Variants in RALY observed in about 807,000 individuals in gnomAD.
RALY encodes RNA-binding protein Raly.
A neutral mutation model predicts 30.7 loss-of-function variants in RALY; 15 were observed. The ratio of observed to expected loss-of-function variants is 0.49; its 90% CI spans 0.33 to 0.75. The LOEUF (loss-of-function observed/expected upper bound fraction) is 0.75, where lower values mean the gene tolerates loss of function less well. Among genes scored for constraint, RALY ranks in the 30% least tolerant of loss-of-function variants. RALY has a pLI of 0.02. For missense variants in RALY, 339 were observed against 414.3 expected (o/e 0.82, Z 1.58); for synonymous variants, 177 against 170.8 (o/e 1.04, Z -0.28).
At chr20:34,076,571 C>G (rs563360814) in intron 6 of RALY, 131 bp from the exon 7 acceptor site, 49 of 763,706 alleles carry the variant, frequency 6.4e-5, no homozygotes, top group Non-Finnish European at 6.0e-5. Context: ...GACCTTTTTC[C>G]TAAGCAGGGA....
At chr20:34,078,455 C>CA (rs2033955494) in intron 8 of RALY, 50 bp from the exon 9 acceptor site, 1 of 1,501,096 alleles carries the variant, frequency 6.7e-7, no homozygotes, top group Non-Finnish European at 8.9e-7. Flanking sequence ...GGGCAGGACT[C>CA]AGAGCTGGCA....
intron 1 of RALY, among the ~76,000 whole-genome samples, chr20:34,013,615 G>T (rs551386923): frequency 6.6e-6 from 1 of 152,156 alleles, no homozygotes; most frequent in African/African-American, 2.4e-5. Context: ...CCTCAGGGAA[G>T]CTTTCCCTGA....
chr20:34,072,412 T>C (rs2033753367), intron 3 of RALY, 82 bp downstream of exon 3: 1 of 1,472,572 alleles, frequency 6.8e-7, no homozygotes, highest in Non-Finnish European at 9.1e-7. Context: ...CCTTCTCTCT[T>C]TCTCTCACCG....
rs1267499461 is a variant in RALY, at chr20:34,082,591, A to G, written c.*2686A>G. Reference sequence around the variant, plus strand: ...ATCAGCTCTACTCACCTTGGCCCATAAGGCTTTGCCTGGTCATGCTGGCAC... The same window carrying G: ...ATCAGCTCTACTCACCTTGGCCCATGAGGCTTTGCCTGGTCATGCTGGCAC... On this transcript the variant is annotated 3_prime_UTR_variant, in exon 10 of 10. Coordinates refer to ENST00000246194, the MANE Select transcript of RALY (RefSeq NM_016732.3). The G allele has an allele frequency of 1.3e-5, 2 of 152,202 alleles. No individual in the cohort carries two copies. Among genetic ancestry groups the G allele is most frequent in the Admixed American group, 6.5e-5 (1 of 15,276 alleles). The allele number at this position is 152,202 out of a possible 1,614,324, so 9.4% of individuals were successfully genotyped here.
At chr20:34,049,812 T>A (rs1011814728) in intron 2 of RALY, among the ~76,000 whole-genome samples, 5 of 152,188 alleles carry the variant, frequency 3.3e-5, no homozygotes, top group African/African-American at 1.2e-4. Context: ...AAAGTTAGGA[T>A]TATAAATCCA....
At chr20:34,075,334 T>C (rs1331339002) in intron 5 of RALY, among the ~76,000 whole-genome samples, 1 of 152,084 alleles carries the variant, frequency 6.6e-6, no homozygotes, top group African/African-American at 2.4e-5. Context: ...TTCTAAAGTG[T>C]GTTTTTAACC....
chr20:33,995,516 A>C (rs966273035), intron 1 of RALY, among the ~76,000 whole-genome samples: 1 of 152,172 alleles, frequency 6.6e-6, no homozygotes, highest in Non-Finnish European at 1.5e-5. Context: ...AACTTTGGCA[A>C]ATGTTCCAGT....
chr20:34,074,348 A>C (rs1479314389), intron 5 of RALY, among the ~76,000 whole-genome samples: 1 of 151,830 alleles, frequency 6.6e-6, no homozygotes, highest in East Asian at 1.9e-4. Context: ...TCTACCCTGC[A>C]CTCCCAAGCC....
chr20:34,016,855 CCTT>C (rs2031626828), intron 1 of RALY, among the ~76,000 whole-genome samples: 1 of 152,284 alleles, frequency 6.6e-6, no homozygotes, highest in Non-Finnish European at 1.5e-5. Context: ...CAGGCCCTGA[CCTT>C]CTGCCAGAAG....
intron 2 of RALY, among the ~76,000 whole-genome samples, chr20:34,048,427 A>G (rs1441308891): frequency 6.6e-6 from 1 of 152,086 alleles, no homozygotes; most frequent in East Asian, 1.9e-4. Flanking sequence ...CAATGGAGGG[A>G]CCTTCTGAGA....
intron 2 of RALY, among the ~76,000 whole-genome samples, chr20:34,038,167 T>C (rs1380824911): frequency 1.3e-5 from 2 of 152,082 alleles, no homozygotes; most frequent in African/African-American, 4.8e-5. Context: ...TCATTAAAAC[T>C]AAAGAAGATC....
At chr20:34,015,167 C>G (rs1457191436) in intron 1 of RALY, 5 of 152,110 alleles carry the variant, frequency 3.3e-5, no homozygotes, top group Non-Finnish European at 7.3e-5. Context: ...CAGGCCCTAC[C>G]TACTAATCCA....
At chr20:34,077,432 C>T (rs936688026) in intron 8 of RALY, 187 bp downstream of exon 8, 3 of 1,340,084 alleles carry the variant, frequency 2.2e-6, no homozygotes, top group East Asian at 2.5e-5. Context: ...TCTCAGACAC[C>T]ATCAGAAGTC....
At chr20:34,030,380 C>T (rs1363875300) in intron 1 of RALY, among the ~76,000 whole-genome samples, 3 of 152,198 alleles carry the variant, frequency 2.0e-5, no homozygotes, top group South Asian at 2.1e-4. Context: ...TACATCAGTG[C>T]CTGGTATGTG....
chr20:34,002,120 T>C (rs1365983693), intron 1 of RALY, among the ~76,000 whole-genome samples: 3 of 152,318 alleles, frequency 2.0e-5, no homozygotes, highest in African/African-American at 7.2e-5. Flanking sequence ...AATTTTGTTT[T>C]TGCGGATACC....
chr20:34,031,011 CCTCCCTCTCCCT>C (rs1227418829), intron 1 of RALY, among the ~76,000 whole-genome samples: 2 of 150,392 alleles, frequency 1.3e-5, no homozygotes, highest in Admixed American at 1.3e-4. Flanking sequence ...GCTTCCCTTC[CCTCCCTCTCCCT>C]TTCCCTCCCC....
Position 34,082,150 on chromosome 20 carries a change from A to G in RALY, c.*2245A>G, listed in dbSNP as rs2034040239. ...CTCCCTGAAGAGCTCTCAGTGGAAC[A>G]TACTTCACCCATCCATGTACCCACA... On this transcript the variant is annotated 3_prime_UTR_variant, in exon 10 of 10. Transcript: ENST00000246194. 2 of 152,342 alleles carry G rather than the reference A, an allele frequency of 1.3e-5. No homozygotes were observed. Among genetic ancestry groups the G allele is most frequent in the Non-Finnish European group, 2.9e-5 (2 of 68,134 alleles). The allele number at this position is 152,342 out of a possible 1,614,324, so 9.4% of individuals were successfully genotyped here. A position where few individuals can be genotyped will look rare whatever the true frequency, so the allele number is the denominator to read the frequency against.
intron 2 of RALY, among the ~76,000 whole-genome samples, chr20:34,041,638 A>G (rs2032704904): frequency 1.3e-5 from 2 of 152,028 alleles, no homozygotes; most frequent in South Asian, 4.2e-4. Flanking sequence ...AACCCCTTAT[A>G]GGGTGTTATT....
At chr20:34,001,740 T>A (rs2030923759) in intron 1 of RALY, among the ~76,000 whole-genome samples, 1 of 152,172 alleles carries the variant, frequency 6.6e-6, no homozygotes, top group Non-Finnish European at 1.5e-5. Flanking sequence ...GTAAGAGATA[T>A]GACCACACTA....
Sources: gnomAD v4.1 joint callset for allele counts (sites outside exome capture counted in the v4.1 genomes callset) on GRCh38, gnomAD v4.1.1 for gene constraint, MANE v1.5 for transcripts, NCBI Gene and HGNC (gene_info 2026-07-23, HGNC 2026-07-21) for gene names.